The following FAM219A variants were observed in gnomAD, a reference collection of about 807,000 sequenced individuals.
FAM219A encodes protein FAM219A.
In FAM219A, 7 loss-of-function variants were observed where a neutral mutation model predicts 23.4. The observed-to-expected ratio is 0.30, with a 90% CI of 0.17 to 0.56. FAM219A has a LOEUF of 0.56. Among genes scored for constraint, FAM219A ranks in the 20% least tolerant of loss-of-function variants. FAM219A has a pLI of 0.92. For synonymous variants in FAM219A, 93 were observed against 99.0 expected, an observed-to-expected ratio of 0.94 and a Z score of 0.36; for missense variants, 166 against 246.9, an observed-to-expected ratio of 0.67 and a Z score of 2.20.
At chr9:34,401,592 T>G (rs1563996363) in intron 5 of FAM219A, 74 bp downstream of exon 5, 1 of 1,531,176 alleles carries the variant, frequency 6.5e-7, no homozygotes, top group Non-Finnish European at 8.9e-7. Flanking sequence ...ACTTGGGCAT[T>G]GGCCCCAGCC....
Position 34,458,186 on chromosome 9 carries a change from C to T in FAM219A, c.60+18G>A, listed in dbSNP as rs544059138. The T allele has an allele frequency of 1.9e-6, 3 of 1,580,140 alleles. No individual in the cohort carries two copies. The highest frequency in any genetic ancestry group is 1.4e-5 in the African/African-American group (1 of 73,732). ...ACGCCCCCTCCGGCCTTGGCCTGCC[C>T]GCCGCCCGCCCCCTCACCAGCGGCT... On this transcript the variant is annotated intron_variant, in intron 1 of 5. Coordinates refer to ENST00000651358, the MANE Select transcript of FAM219A (RefSeq NM_001184940.2). The surrounding 1 kb of genome is among the most constrained non-coding windows in gnomAD (Gnocchi z 6.6).
At chr9:34,425,203 G>C (rs983667123) in intron 1 of FAM219A, among the ~76,000 whole-genome samples, 1 of 152,028 alleles carries the variant, frequency 6.6e-6, no homozygotes, top group African/African-American at 2.4e-5. Flanking sequence ...AACAAATGAG[G>C]CCCACAGTGG....
At chr9:34,448,179 C>A (rs1181461790) in intron 1 of FAM219A, among the ~76,000 whole-genome samples, 3 of 152,164 alleles carry the variant, frequency 2.0e-5, no homozygotes, top group South Asian at 2.1e-4. Flanking sequence ...CCCCTTTATT[C>A]ATTTCTTAAG....
chr9:34,430,843 A>AACTAACAACAAC (rs1198977337), intron 1 of FAM219A, among the ~76,000 whole-genome samples: 1 of 101,916 alleles, frequency 9.8e-6, no homozygotes, highest in African/African-American at 4.6e-5. Flanking sequence ...CCATGTCTCC[A>AACTAACAACAAC]AATAACAACA....
At chr9:34,402,871 G>T in intron 2 of FAM219A, 64 bp from the exon 3 acceptor site, 1 of 1,475,086 alleles carries the variant, frequency 6.8e-7, no homozygotes, top group Non-Finnish European at 9.3e-7. Context: ...TTACTACTCA[G>T]GGCAGCCTGG....
At chr9:34,421,009 T>TGTGTGAGAGAGAGA (rs1554677406) in intron 1 of FAM219A, among the ~76,000 whole-genome samples, 5 of 86,358 alleles carry the variant, frequency 5.8e-5, no homozygotes, top group Non-Finnish European at 8.8e-5. Context: ...TGTGTGTGTG[T>TGTGTGAGAGAGAGA]GAGAGAGAGA....
At chr9:34,450,535 C>T (rs1420273976) in intron 1 of FAM219A, among the ~76,000 whole-genome samples, 1 of 151,974 alleles carries the variant, frequency 6.6e-6, no homozygotes, top group African/African-American at 2.4e-5. Flanking sequence ...TTTTCTGCCT[C>T]AGCCTCCCGA....
chr9:34,420,976 GTGTGTGTGTGTGTGTA>G (rs1433506337), intron 1 of FAM219A, among the ~76,000 whole-genome samples: 1 of 129,306 alleles, frequency 7.7e-6, no homozygotes, highest in Non-Finnish European at 1.6e-5. Context: ...TGAAACTCGT[GTGTGTGTGTGTGTGTA>G]TGTGTGTGTG....
At chr9:34,439,586 T>G (rs889074000) in intron 1 of FAM219A, among the ~76,000 whole-genome samples, 2 of 152,094 alleles carry the variant, frequency 1.3e-5, no homozygotes, top group African/African-American at 4.8e-5. Context: ...GATGAAACTA[T>G]AGCTGAACTA....
At chr9:34,429,346 G>A (rs777471816) in intron 1 of FAM219A, among the ~76,000 whole-genome samples, 21 of 152,294 alleles carry the variant, frequency 1.4e-4, no homozygotes, top group Non-Finnish European at 2.9e-4. Context: ...TTCAGAGCAG[G>A]GCTGGTTGAG....
intron 1 of FAM219A, among the ~76,000 whole-genome samples, chr9:34,450,308 CAAA>C (rs35932974): frequency 6.4e-5 from 8 of 125,682 alleles, no homozygotes; most frequent in Non-Finnish European, 9.0e-5. Context: ...GACCCTGTCT[CAAA>C]AAAAAAAAAA....
At chr9:34,420,227 G>C (rs999346386) in intron 1 of FAM219A, among the ~76,000 whole-genome samples, 1 of 152,176 alleles carries the variant, frequency 6.6e-6, no homozygotes, top group Non-Finnish European at 1.5e-5. Context: ...GAGATGACAG[G>C]CACACAGATC....
intron 1 of FAM219A, among the ~76,000 whole-genome samples, chr9:34,452,709 C>T (rs1823599805): frequency 6.6e-6 from 1 of 152,208 alleles, no homozygotes; most frequent in Non-Finnish European, 1.5e-5. Flanking sequence ...ATTCCAAATG[C>T]ACTCCTTTGT....
intron 1 of FAM219A, among the ~76,000 whole-genome samples, chr9:34,434,740 G>A (rs1451845272): frequency 6.6e-6 from 1 of 152,216 alleles, no homozygotes; most frequent in Non-Finnish European, 1.5e-5. Context: ...TTCTTATATG[G>A]TGAAAGTGGA....
chr9:34,420,163 G>T (rs1312736470), intron 1 of FAM219A, among the ~76,000 whole-genome samples: 1 of 152,062 alleles, frequency 6.6e-6, no homozygotes, highest in African/African-American at 2.4e-5. Context: ...AATGTACACT[G>T]GGGAGGGAAA....
intron 2 of FAM219A, among the ~76,000 whole-genome samples, chr9:34,405,169 A>G (rs1236654985): frequency 6.6e-6 from 1 of 152,222 alleles, no homozygotes; most frequent in African/African-American, 2.4e-5. Flanking sequence ...TACAGCAGCC[A>G]TGAGACAGTG....
intron 1 of FAM219A, among the ~76,000 whole-genome samples, chr9:34,416,327 G>A (rs913209250): frequency 6.6e-5 from 10 of 151,924 alleles, no homozygotes; most frequent in African/African-American, 2.2e-4. Flanking sequence ...AGGAAGGAAG[G>A]AAGGAAGCGG....
intron 1 of FAM219A, among the ~76,000 whole-genome samples, chr9:34,456,591 T>G (rs939906012): frequency 6.6e-6 from 1 of 152,222 alleles, no homozygotes; most frequent in Non-Finnish European, 1.5e-5. Flanking sequence ...AAGGGCAATC[T>G]CGTTTGACAA....
At chr9:34,434,908 C>T (rs1278731470) in intron 1 of FAM219A, among the ~76,000 whole-genome samples, 1 of 152,182 alleles carries the variant, frequency 6.6e-6, no homozygotes, top group Non-Finnish European at 1.5e-5. Flanking sequence ...TAACCTCCAC[C>T]TCCTGGGCTC....
Sources: gnomAD v4.1 joint callset for allele counts (sites outside exome capture counted in the v4.1 genomes callset) on GRCh38, gnomAD v4.1.1 for gene constraint, Gnocchi (gnomAD v3.1) non-coding constraint, MANE v1.5 for transcripts, NCBI Gene and HGNC (gene_info 2026-07-23, HGNC 2026-07-21) for gene names.